Variants in SERPINB12 observed in about 807,000 individuals in gnomAD.
The protein encoded by SERPINB12 is serpin family B member 12.
In SERPINB12, 57 loss-of-function variants were observed where a neutral mutation model predicts 41.1. The observed-to-expected ratio is 1.39, with a 90% CI of 1.12 to 1.73. The LOEUF (loss-of-function observed/expected upper bound fraction) is 1.73, where lower values mean the gene tolerates loss of function less well. Ranked by LOEUF, SERPINB12 falls within the 40% of genes most tolerant of loss-of-function variation. The probability of loss-of-function intolerance (pLI) is 0.00; values close to 1 mark genes in which losing one functional copy is unlikely to be tolerated. For synonymous variants in SERPINB12, 180 were observed against 181.3 expected, an observed-to-expected ratio of 0.99 and a Z score of 0.06; for missense variants, 536 against 501.9, an observed-to-expected ratio of 1.07 and a Z score of -0.65.
chr18:63,563,431 A>G (rs1910980093), intron 5 of SERPINB12, among the ~76,000 whole-genome samples: 1 of 152,158 alleles, frequency 6.6e-6, no homozygotes, highest in Non-Finnish European at 1.5e-5. Flanking sequence ...GAATCAAAGG[A>G]GATTCCTTCT....
intron 1 of SERPINB12, among the ~76,000 whole-genome samples, 77 bp downstream of exon 1, chr18:63,542,569 A>C (rs907023413): frequency 3.3e-5 from 5 of 152,158 alleles, no homozygotes; most frequent in African/African-American, 1.2e-4. Flanking sequence ...GTGAAGCTAT[A>C]TGTGTTGCAG....
At chr18:63,520,703 G>A in the SERPINB12 span, among the ~76,000 whole-genome samples, 1 of 152,196 alleles carries the variant, frequency 6.6e-6, no homozygotes, top group Non-Finnish European at 1.5e-5. Context: ...AAGTTTGATA[G>A]GTAGAAGCTA....
chr18:63,540,829 A>G (rs1460464868), upstream of SERPINB12, among the ~76,000 whole-genome samples: 1 of 152,178 alleles, frequency 6.6e-6, no homozygotes, highest in Non-Finnish European at 1.5e-5. Flanking sequence ...CACTCAAATA[A>G]TTCTTATGAT....
intron 1 of SERPINB12, among the ~76,000 whole-genome samples, chr18:63,543,834 C>G (rs1321133584): frequency 6.6e-6 from 1 of 152,144 alleles, no homozygotes; most frequent in Non-Finnish European, 1.5e-5. Flanking sequence ...CCAGGCTGGT[C>G]TTGAACTCCT....
At chr18:63,525,937 G>T in the SERPINB12 span, among the ~76,000 whole-genome samples, 1 of 152,046 alleles carries the variant, frequency 6.6e-6, no homozygotes, top group African/African-American at 2.4e-5. Flanking sequence ...CTTACACAAA[G>T]ATCATTTTGT....
intron 1 of SERPINB12, among the ~76,000 whole-genome samples, chr18:63,547,344 A>G (rs950991805): frequency 3.3e-5 from 5 of 152,200 alleles, no homozygotes; most frequent in Admixed American, 3.3e-4. Context: ...TATATTTTAA[A>G]CAATGTGAGT....
chr18:63,538,207 C>T (rs538518420), upstream of SERPINB12, among the ~76,000 whole-genome samples: 1 of 152,256 alleles, frequency 6.6e-6, no homozygotes, highest in East Asian at 1.9e-4. Context: ...ATATAATTCA[C>T]ATGCAATAAA....
chr18:63,536,576 T>C, the SERPINB12 span, among the ~76,000 whole-genome samples: 2 of 152,268 alleles, frequency 1.3e-5, no homozygotes, highest in African/African-American at 4.8e-5. Context: ...ACTTCCTTTT[T>C]TCTATTCTCA....
chr18:63,519,176 C>T, the SERPINB12 span, among the ~76,000 whole-genome samples: 1 of 152,130 alleles, frequency 6.6e-6, no homozygotes. Context: ...TATGAGCATC[C>T]GTCCACAGGT....
intron 1 of SERPINB12, among the ~76,000 whole-genome samples, chr18:63,546,437 T>A (rs1910389446): frequency 6.6e-6 from 1 of 152,204 alleles, no homozygotes; most frequent in African/African-American, 2.4e-5. Flanking sequence ...TGTGTGTCAA[T>A]AATCAAATAA....
the SERPINB12 span, among the ~76,000 whole-genome samples, chr18:63,533,608 T>G: frequency 6.6e-6 from 1 of 152,218 alleles, no homozygotes; most frequent in African/African-American, 2.4e-5. Flanking sequence ...CTGACTGTAA[T>G]GAATAGGTGC....
chr18:63,565,724 C>T, intron 7 of SERPINB12, 112 bp downstream of exon 7: 1 of 832,810 alleles, frequency 1.2e-6, no homozygotes, highest in Non-Finnish European at 1.8e-6. Context: ...CTGTCAGAGA[C>T]ATCAAGGAAT....
intron 3 of SERPINB12, among the ~76,000 whole-genome samples, chr18:63,559,068 TCTCTCCTTCTCTCCTTCTCTCTTTCTC>T (rs1568129392): frequency 9.5e-4 from 26 of 27,482 alleles, no homozygotes; most frequent in Middle Eastern, 0.042. Flanking sequence ...CTCTCCTTCT[TCTCTCCTTCTCTCCTTCTCTCTTTCTC>T]TCTTTCTTTC....
chr18:63,549,903 G>C (rs934099768), intron 1 of SERPINB12, among the ~76,000 whole-genome samples: 1 of 152,178 alleles, frequency 6.6e-6, no homozygotes, highest in Non-Finnish European at 1.5e-5. Flanking sequence ...TGGTATAGGA[G>C]GAAAGAGGTA....
At chr18:63,555,509 T>A (rs901492973) in intron 1 of SERPINB12, among the ~76,000 whole-genome samples, 1 of 152,184 alleles carries the variant, frequency 6.6e-6, no homozygotes, top group African/African-American at 2.4e-5. Flanking sequence ...CCTAAAAATA[T>A]AGTTTAAGTC....
At chr18:63,539,055 C>T (rs1001318646), upstream of SERPINB12, among the ~76,000 whole-genome samples, 7 of 152,130 alleles carry the variant, frequency 4.6e-5, no homozygotes, top group Admixed American at 2.0e-4. Context: ...TTGGGATCCA[C>T]TTGGGATGGC....
chr18:63,543,072 A>G (rs981411142), intron 1 of SERPINB12, among the ~76,000 whole-genome samples: 1 of 152,214 alleles, frequency 6.6e-6, no homozygotes, highest in African/African-American at 2.4e-5. Context: ...ATTATGAGCA[A>G]CTTAAGGCCT....
At chr18:63,533,136 C>G in the SERPINB12 span, among the ~76,000 whole-genome samples, 1 of 152,088 alleles carries the variant, frequency 6.6e-6, no homozygotes. Context: ...CACCACCATG[C>G]CTGGCTAATT....
chr18:63,523,920 T>C, the SERPINB12 span, among the ~76,000 whole-genome samples: 1 of 152,188 alleles, frequency 6.6e-6, no homozygotes, highest in African/African-American at 2.4e-5. Context: ...ACTTCCAAGA[T>C]ATTGAATCTG....
Sources: gnomAD v4.1 joint callset for allele counts (sites outside exome capture counted in the v4.1 genomes callset) on GRCh38, gnomAD v4.1.1 for gene constraint, MANE v1.5 for transcripts, NCBI Gene and HGNC (gene_info 2026-07-23, HGNC 2026-07-21) for gene names.